Variants in PCNX4 observed in about 807,000 individuals in gnomAD.
PCNX4 encodes pecanex-like protein 4.
In PCNX4, 103 loss-of-function variants were observed where a neutral mutation model predicts 107.2. That is an observed-to-expected ratio of 0.96 (90% confidence interval 0.82 to 1.13). The LOEUF (loss-of-function observed/expected upper bound fraction) is 1.13. Among genes scored for constraint, PCNX4 ranks in the 50% most tolerant of loss-of-function variants. PCNX4 has a pLI of 0.00. For missense variants in PCNX4, 1,528 were observed against 1,379.4 expected (o/e 1.11, Z -1.71); for synonymous variants, 541 against 481.7 (o/e 1.12, Z -1.61).
chr14:60,103,563 C>T (rs1324886329), intron 1 of PCNX4, among the ~76,000 whole-genome samples: 1 of 152,190 alleles, frequency 6.6e-6, no homozygotes, highest in Non-Finnish European at 1.5e-5. Flanking sequence ...CTCTCCCATG[C>T]TTCTTAGGCT....
Position 60,134,286 on chromosome 14 carries a change from T to G in PCNX4, c.*65T>G. ...TATTTTTTCATCCTAAAAAAGTAAC[T>G]GTGATTCTTGTAACTTGAGGACTTC... On this transcript the variant is annotated 3_prime_UTR_variant, in exon 11 of 11. Transcript: ENST00000406854. The G allele has an allele frequency of 6.4e-7, 1 of 1,555,376 alleles. No homozygotes were observed.
chr14:60,101,150 TA>T (rs1430670646), intron 1 of PCNX4, among the ~76,000 whole-genome samples: 2 of 152,228 alleles, frequency 1.3e-5, no homozygotes, highest in Non-Finnish European at 2.9e-5. Flanking sequence ...TAAATTTACC[TA>T]TAGTCTGGAA....
chr14:60,116,143 T>C, intron 6 of PCNX4, 83 bp downstream of exon 6: 1 of 1,248,268 alleles, frequency 8.0e-7, no homozygotes, highest in East Asian at 2.6e-5. Flanking sequence ...TATTCAGTTT[T>C]GTAGTCATCA....
At chr14:60,113,042 C>T (rs573954590) in intron 2 of PCNX4, among the ~76,000 whole-genome samples, 3 of 152,116 alleles carry the variant, frequency 2.0e-5, no homozygotes, top group South Asian at 4.1e-4. Flanking sequence ...ATTAGCTGGG[C>T]GTGGTGGCGT....
intron 7 of PCNX4, among the ~76,000 whole-genome samples, chr14:60,120,371 G>A (rs1030863016): frequency 6.6e-6 from 1 of 152,132 alleles, no homozygotes; most frequent in Non-Finnish European, 1.5e-5. Context: ...CAAAAGGAGA[G>A]CAGATGTTCA....
chr14:60,098,073 T>C (rs1346249982), intron 1 of PCNX4, among the ~76,000 whole-genome samples: 1 of 152,174 alleles, frequency 6.6e-6, no homozygotes, highest in East Asian at 1.9e-4. Flanking sequence ...GCATCAGCCT[T>C]ATGGTTAAGG....
chr14:60,095,421 T>G (rs1003277566), intron 1 of PCNX4, among the ~76,000 whole-genome samples: 1 of 152,180 alleles, frequency 6.6e-6, no homozygotes, highest in African/African-American at 2.4e-5. Flanking sequence ...GGATGAAATT[T>G]TAGCTCACTG....
chr14:60,119,540 A>G lies in PCNX4; in HGVS notation c.1942+848A>G, dbSNP rs1188333887. Among the ~76,000 whole-genome samples, 5 of 152,236 alleles carry G rather than the reference A, an allele frequency of 3.3e-5. No individual in the cohort carries two copies. In the South Asian group the frequency reaches 6.2e-4, roughly 19 times the overall value. On this transcript the variant is annotated intron_variant, in intron 7 of 10. Transcript: ENST00000406854. ...TAATTATTATGTGAGATGATTTATG[A>G]GAAAAAAATATTTTATCTTTGTACT... is the stretch of plus-strand genomic sequence containing the variant.
intron 1 of PCNX4, among the ~76,000 whole-genome samples, chr14:60,094,512 C>T (rs1039480655): frequency 1.3e-5 from 2 of 152,146 alleles, no homozygotes; most frequent in Non-Finnish European, 1.5e-5. Context: ...ACAAGAACAT[C>T]CTTATCATAC....
chr14:60,126,017 G>A, intron 10 of PCNX4, 194 bp downstream of exon 10: 1 of 395,974 alleles, frequency 2.5e-6, no homozygotes, highest in South Asian at 6.1e-5. Context: ...CTCTACTTTT[G>A]CCAACTGAAG....
At chr14:60,095,493 A>G (rs1895406841) in intron 1 of PCNX4, among the ~76,000 whole-genome samples, 1 of 152,146 alleles carries the variant, frequency 6.6e-6, no homozygotes, top group Non-Finnish European at 1.5e-5. Flanking sequence ...TAGCCATCCT[A>G]TTTAGAAACC....
rs369805338 is a variant in PCNX4 at position 60,118,569 on chromosome 14, A to G, written c.1819A>G (p.Ile607Val). Residue 607 changes from isoleucine (I) to valine (V), a missense_variant, in exon 7 of 11, where the codon ATT (isoleucine) becomes GTT (valine). Physicochemically the swap from Ile to Val is conservative, Grantham distance 29. Coordinates refer to ENST00000406854, the MANE Select transcript of PCNX4 (RefSeq NM_001330177.2). ...GTTCTTGGTGGGGTTTCCCCGACCT[A>G]TTCAGAGTTGGCCAGGAGCAGCAGG... The part of the protein sequence containing the change: ...PVFLVGFPRP[I>V]QSWPGAAGTT... 7.4e-6 allele frequency: 12 copies of G among 1,613,638 alleles called. No individual in the cohort carries two copies. The highest frequency in any genetic ancestry group is 1.6e-4 in the Middle Eastern group (1 of 6,084).
chr14:60,118,683 G>A lies in PCNX4; in HGVS notation c.1933G>A (p.Gly645Arg). The A allele has an allele frequency of 6.4e-7, 1 of 1,561,316 alleles. No homozygotes were observed. Among genetic ancestry groups the A allele is most frequent in the African/African-American group, 1.4e-5 (1 of 73,380 alleles). Reference protein sequence around the residue: ...TAVLQTAMAAGSLGLLLPGSH... With the variant: ...TAVLQTAMAARSLGLLLPGSH... Reference sequence around the variant, plus strand: ...TGTACTGCAGACTGCAATGGCAGCTGGAAGTTTAGGTAAGTAAATGGGTTG... The same window carrying A: ...TGTACTGCAGACTGCAATGGCAGCTAGAAGTTTAGGTAAGTAAATGGGTTG... The change falls in exon 7 of 11, where the codon GGA (glycine) becomes AGA (arginine). Residue 645 changes from glycine (G) to arginine (R), a missense_variant. Gly to Arg is a moderately radical substitution (Grantham distance 125). Coordinates refer to ENST00000406854, the MANE Select transcript of PCNX4 (RefSeq NM_001330177.2).
chr14:60,126,680 G>A (rs1896061113), intron 10 of PCNX4, among the ~76,000 whole-genome samples: 1 of 152,166 alleles, frequency 6.6e-6, no homozygotes, highest in Non-Finnish European at 1.5e-5. Context: ...CCTAGGAAGG[G>A]CAGGAGTTCA....
intron 1 of PCNX4, among the ~76,000 whole-genome samples, chr14:60,103,924 C>T (rs968689583): frequency 6.6e-6 from 1 of 152,042 alleles, no homozygotes; most frequent in East Asian, 1.9e-4. Flanking sequence ...AGCATTATTC[C>T]GTAAAAAATA....
Position 60,115,125 on chromosome 14 carries a change from A to C in PCNX4, c.1021A>C (p.Lys341Gln). 1 of 1,613,870 alleles carries C rather than the reference A, an allele frequency of 6.2e-7. No homozygotes were observed. Among genetic ancestry groups the C allele is most frequent in the Non-Finnish European group, 8.5e-7 (1 of 1,179,834 alleles). Reference sequence around the variant, plus strand: ...GGGTCACAAAATTGGAACCAAATCTAAGGATTTACCCAGTGGTCCGGAAAA... The same window carrying C: ...GGGTCACAAAATTGGAACCAAATCTCAGGATTTACCCAGTGGTCCGGAAAA... Reference protein sequence around the residue: ...DMGHKIGTKSKDLPSGPEKHF... With the variant: ...DMGHKIGTKSQDLPSGPEKHF... The change falls in exon 4 of 11, where the codon AAG becomes CAG. Residue 341 changes from lysine to glutamine, a missense_variant. Lys to Gln is a moderately conservative substitution (Grantham distance 53, BLOSUM62 1). Coordinates refer to ENST00000406854, the MANE Select transcript of PCNX4 (RefSeq NM_001330177.2).
chr14:60,119,492 G>A (rs997067002), intron 7 of PCNX4, among the ~76,000 whole-genome samples: 6 of 152,110 alleles, frequency 3.9e-5, no homozygotes, highest in Non-Finnish European at 8.8e-5. Flanking sequence ...TTAATAAAAT[G>A]CTTACTTCAG....
rs549238617 is a variant in PCNX4, at chr14:60,118,348, G to A, written c.1598G>A (p.Arg533His). ...CTACAGGTTGGTATCATACGTGATC[G>A]TTTGATTCAGTTCATCTCTAAATTG... is the stretch of plus-strand genomic sequence containing the variant. ...RLLLVGIIRD[R>H]LIQFISKLQF... is the part of the protein sequence containing the mutation. Residue 533 changes from arginine to histidine, a missense_variant, in exon 7 of 11, where the codon CGT becomes CAT. Physicochemically the swap from Arg to His is conservative, Grantham distance 29. Coordinates refer to ENST00000406854, the MANE Select transcript of PCNX4 (RefSeq NM_001330177.2). The A allele has an allele frequency of 1.1e-5, 18 of 1,610,868 alleles. No homozygotes were observed. The African/African-American group carries it at 1.3e-4, about 12-fold the overall frequency.
Position 60,143,436 on chromosome 14 carries a change from C to T in PCNX4, c.*9215C>T, listed in dbSNP as rs1896330278. ...GTCCTCTCTTTATTATATTTTATCC[C>T]CATAGTTCACCCCGTTTCCTCCCCA... On this transcript the variant is annotated 3_prime_UTR_variant, in exon 11 of 11. Coordinates refer to ENST00000406854, the MANE Select transcript of PCNX4 (RefSeq NM_001330177.2). 6.6e-6 allele frequency: 1 copy of T among 152,102 alleles called. No individual in the cohort carries two copies. Among genetic ancestry groups the T allele is most frequent in the Non-Finnish European group, 1.5e-5 (1 of 68,028 alleles). 9.4% of individuals were successfully genotyped at this position (152,102 alleles called of 1,614,324 possible). A position where few individuals can be genotyped will look rare whatever the true frequency, so the allele number is the denominator to read the frequency against.
Sources: gnomAD v4.1 joint callset for allele counts (sites outside exome capture counted in the v4.1 genomes callset) on GRCh38, gnomAD v4.1.1 for gene constraint, MANE v1.5 for transcripts, NCBI Gene and HGNC (gene_info 2026-07-23, HGNC 2026-07-21) for gene names.